The following ASTN2 variants were observed in gnomAD, a reference collection of about 807,000 sequenced individuals.
ASTN2 encodes the protein astrotactin-2.
ASTN2 carries 54 observed loss-of-function variants against 139.8 expected under a neutral mutation model. The observed-to-expected ratio is 0.39, with a 90% CI of 0.31 to 0.48. The LOEUF is 0.48. ASTN2 is among the 20% of genes least tolerant of loss of function. The probability of loss-of-function intolerance (pLI) is 0.95; values close to 1 mark genes in which losing one functional copy is unlikely to be tolerated. For synonymous variants in ASTN2, 756 were observed against 719.5 expected, an observed-to-expected ratio of 1.05 and a Z score of -0.81; for missense variants, 1,565 against 1,725.1, an observed-to-expected ratio of 0.91 and a Z score of 1.64.
chr9:116,467,155 A>G (rs930669719), intron 20 of ASTN2, among the ~76,000 whole-genome samples: 1 of 152,168 alleles, frequency 6.6e-6, no homozygotes, highest in African/African-American at 2.4e-5. Flanking sequence ...ATGAAGGACT[A>G]TCAAAGTCTA....
chr9:117,135,476 G>T (rs117991517), intron 4 of ASTN2, among the ~76,000 whole-genome samples: 1 of 152,250 alleles, frequency 6.6e-6, no homozygotes, highest in East Asian at 1.9e-4. Context: ...CTATTTACCC[G>T]TCTCCATCCA....
chr9:117,201,483 T>A (rs1040699469), intron 3 of ASTN2, among the ~76,000 whole-genome samples: 20 of 152,204 alleles, frequency 1.3e-4, no homozygotes, highest in African/African-American at 4.8e-4. Flanking sequence ...TTTAGTGCTA[T>A]AAATTTCTCT....
chr9:117,305,027 C>G (rs565581467), intron 1 of ASTN2, among the ~76,000 whole-genome samples: 1 of 152,330 alleles, frequency 6.6e-6, no homozygotes, highest in Admixed American at 6.5e-5. Flanking sequence ...CCGATGGGGT[C>G]AGACACGAGA....
intron 13 of ASTN2, among the ~76,000 whole-genome samples, chr9:116,782,590 G>T (rs545084638): frequency 6.6e-6 from 1 of 152,108 alleles, no homozygotes; most frequent in Admixed American, 6.5e-5. Flanking sequence ...ACTTAGGGAC[G>T]TACTGAATGA....
At chr9:117,191,382 A>G (rs1169487591) in intron 3 of ASTN2, among the ~76,000 whole-genome samples, 3 of 152,216 alleles carry the variant, frequency 2.0e-5, no homozygotes, top group Non-Finnish European at 4.4e-5. Context: ...TCAATATATA[A>G]AAGGGAAAAG....
At chr9:116,690,026 A>G (rs803942) in intron 16 of ASTN2, among the ~76,000 whole-genome samples, 86,262 of 151,974 alleles carry the variant, frequency 0.57, 25,067 homozygotes, top group East Asian at 0.87. Context: ...GGGTTGCTGA[A>G]GCCAGTTCAG....
chr9:116,657,925 T>C (rs1001225376), intron 16 of ASTN2, among the ~76,000 whole-genome samples: 5 of 145,398 alleles, frequency 3.4e-5, no homozygotes, highest in African/African-American at 1.2e-4. Context: ...TCTTGCTGTA[T>C]CACCCAGATT....
intron 17 of ASTN2, among the ~76,000 whole-genome samples, chr9:116,645,061 G>C (rs1431427211): frequency 6.6e-6 from 1 of 152,128 alleles, no homozygotes; most frequent in Non-Finnish European, 1.5e-5. Flanking sequence ...GATGAAAAGG[G>C]ATAAATACTA....
At chr9:116,704,031 TAGTG>T (rs1329282316) in intron 16 of ASTN2, among the ~76,000 whole-genome samples, 1 of 152,154 alleles carries the variant, frequency 6.6e-6, no homozygotes, top group Non-Finnish European at 1.5e-5. Context: ...AGGCTGAAGT[TAGTG>T]AGCCAGCTCT....
chr9:116,645,174 C>T (rs551180109), intron 17 of ASTN2, among the ~76,000 whole-genome samples: 1 of 152,268 alleles, frequency 6.6e-6, no homozygotes, highest in Admixed American at 6.5e-5. Context: ...TATGCCACTC[C>T]TCTGCCTCCT....
chr9:117,132,055 G>C (rs928385391), intron 4 of ASTN2, among the ~76,000 whole-genome samples: 2 of 152,172 alleles, frequency 1.3e-5, no homozygotes, highest in Non-Finnish European at 2.9e-5. Context: ...GGATCTGCTA[G>C]TTTCTCTGTG....
chr9:117,175,250 C>T (rs60728616), intron 3 of ASTN2, among the ~76,000 whole-genome samples: 278 of 152,156 alleles, frequency 1.8e-3, no homozygotes, highest in African/African-American at 6.3e-3. Flanking sequence ...AACTAAAAGT[C>T]TGTGATATAT....
chr9:116,924,747 G>A (rs1057063592), intron 10 of ASTN2, among the ~76,000 whole-genome samples: 3 of 152,140 alleles, frequency 2.0e-5, no homozygotes, highest in African/African-American at 7.2e-5. Flanking sequence ...GGTCACTTTT[G>A]TGGCCATCTT....
intron 17 of ASTN2, among the ~76,000 whole-genome samples, chr9:116,638,399 G>C (rs151306298): frequency 3.9e-5 from 6 of 152,274 alleles, no homozygotes; most frequent in Non-Finnish European, 8.8e-5. Flanking sequence ...ACATAGGAGA[G>C]AGGCAACAAC....
At chr9:116,449,792 T>G (rs777714135) in intron 20 of ASTN2, among the ~76,000 whole-genome samples, 5 of 152,192 alleles carry the variant, frequency 3.3e-5, no homozygotes, top group Non-Finnish European at 5.9e-5. Context: ...CTGAGGCCAC[T>G]GTGGTGGGAG....
At chr9:117,398,092 G>T (rs1214742625) in intron 1 of ASTN2, among the ~76,000 whole-genome samples, 2 of 152,164 alleles carry the variant, frequency 1.3e-5, no homozygotes, top group African/African-American at 4.8e-5. Flanking sequence ...ATATGTGTGT[G>T]TGTGTGCATC....
chr9:117,237,378 A>G (rs1833076852), intron 2 of ASTN2, among the ~76,000 whole-genome samples: 1 of 152,152 alleles, frequency 6.6e-6, no homozygotes, highest in Non-Finnish European at 1.5e-5. Context: ...GGTGGTAGCA[A>G]TCACAGAGCC....
chr9:116,661,898 A>G (rs1742831), intron 16 of ASTN2, among the ~76,000 whole-genome samples: 142,052 of 151,794 alleles, frequency 0.94, 66,506 homozygotes, highest in East Asian at 0.97. Context: ...AAAATTAGGA[A>G]ATATACCTAA....
intron 6 of ASTN2, among the ~76,000 whole-genome samples, chr9:117,037,353 T>G (rs1436640789): frequency 1.3e-5 from 2 of 152,078 alleles, no homozygotes; most frequent in Non-Finnish European, 2.9e-5. Context: ...ATTTCCCAGC[T>G]GTTCACCATT....
Sources: allele counts gnomAD v4.1 joint callset (sites outside exome capture counted in the v4.1 genomes callset), GRCh38; gene constraint gnomAD v4.1.1; transcripts MANE v1.5; gene names NCBI Gene and HGNC (gene_info 2026-07-23, HGNC 2026-07-21).